NRG2: variants seen among roughly 807,000 people sequenced by gnomAD.
NRG2 encodes the protein pro-neuregulin-2, membrane-bound isoform.
A neutral mutation model predicts 73.9 loss-of-function variants in NRG2; 27 were observed. The observed-to-expected ratio is 0.37, with a 90% CI of 0.27 to 0.50. NRG2 has a LOEUF of 0.50. Among genes scored for constraint, NRG2 ranks in the 20% least tolerant of loss-of-function variants. The pLI is 0.96. For synonymous variants in NRG2, 532 were observed against 541.0 expected, an observed-to-expected ratio of 0.98 and a Z score of 0.23; for missense variants, 1,126 against 1,210.1, an observed-to-expected ratio of 0.93 and a Z score of 1.03.
At chr5:139,968,218 C>A (rs1755694226) in intron 1 of NRG2, among the ~76,000 whole-genome samples, 2 of 152,100 alleles carry the variant, frequency 1.3e-5, no homozygotes, top group Admixed American at 6.5e-5. Context: ...CATGCCTGCC[C>A]GCCCGGCTGA....
chr5:139,901,381 G>T (rs892779310), intron 1 of NRG2, among the ~76,000 whole-genome samples: 1 of 152,212 alleles, frequency 6.6e-6, no homozygotes, highest in African/African-American at 2.4e-5. Flanking sequence ...CAGAGTGGCA[G>T]GAGGACAGCT....
At chr5:139,876,852 C>T (rs112018614) in intron 3 of NRG2, among the ~76,000 whole-genome samples, 14 of 151,942 alleles carry the variant, frequency 9.2e-5, no homozygotes, top group African/African-American at 2.4e-4. Context: ...GCCAAGACTG[C>T]GACTTCCCAG....
intron 1 of NRG2, among the ~76,000 whole-genome samples, chr5:140,028,799 T>G (rs75821987): frequency 0.079 from 11,963 of 152,198 alleles, 527 homozygotes; most frequent in South Asian, 0.1. Context: ...AGTAACTCTC[T>G]TCTAACAAGC....
chr5:139,934,879 T>A (rs1313883819), intron 1 of NRG2, among the ~76,000 whole-genome samples: 1 of 152,154 alleles, frequency 6.6e-6, no homozygotes, highest in African/African-American at 2.4e-5. Context: ...GAAATAACAA[T>A]CCTGGCCGGG....
intron 1 of NRG2, among the ~76,000 whole-genome samples, chr5:139,948,778 C>G (rs1038324267): frequency 6.6e-6 from 1 of 152,132 alleles, no homozygotes; most frequent in Non-Finnish European, 1.5e-5. Flanking sequence ...CAGGTTGTTG[C>G]AGGAGTTCTG....
Position 140,042,714 on chromosome 5 carries a change from G to A in NRG2, c.356C>T (p.Ser119Leu). Reference protein sequence around the residue: ...SLACYSPSLKSVQDQAYKAPV... With the variant: ...SLACYSPSLKLVQDQAYKAPV... ...TGCCTTGTACGCCTGGTCCTGCACTGACTTGAGGCTGGGCGAGTAGCAGGC... is the reference window on the plus strand; with the variant it reads ...TGCCTTGTACGCCTGGTCCTGCACTAACTTGAGGCTGGGCGAGTAGCAGGC... Residue 119 changes from serine (S) to leucine (L), a missense_variant, in exon 1 of 10, where the codon TCA becomes TTA. By Grantham distance (145) the Ser-to-Leu change is moderately radical (BLOSUM62 -2). Around this residue, in one of 3 missense-constraint regions of NRG2, gnomAD observed 539 missense variants for 703.2 expected, o/e 0.77. Transcript: ENST00000361474. 1 of 1,574,152 alleles carries A rather than the reference G, an allele frequency of 6.4e-7. No individual in the cohort carries two copies. Among genetic ancestry groups the A allele is most frequent in the Non-Finnish European group, 8.6e-7 (1 of 1,160,286 alleles).
intron 1 of NRG2, among the ~76,000 whole-genome samples, chr5:139,956,277 A>T (rs1263763678): frequency 6.6e-6 from 1 of 152,086 alleles, no homozygotes; most frequent in Non-Finnish European, 1.5e-5. Flanking sequence ...TAGTCAGGTC[A>T]GGAGGCTCCG....
chr5:139,985,176 C>T (rs1757078121), intron 1 of NRG2, among the ~76,000 whole-genome samples: 2 of 151,864 alleles, frequency 1.3e-5, no homozygotes, highest in Non-Finnish European at 2.9e-5. Flanking sequence ...CCCGTCTCTA[C>T]TATAAATATA....
In NRG2 at chr5:139,868,117, T is replaced by C. The variant is rs573120401; in HGVS notation, c.1113-2492A>G. On this transcript the variant is annotated intron_variant, in intron 4 of 9. Coordinates refer to ENST00000361474, the MANE Select transcript of NRG2 (RefSeq NM_004883.3). This position sits in a 1 kb window ranked among gnomAD's most constrained non-coding sequence, Gnocchi z 4.2. ...GCTGGCTGAACAAAACAAAAGGCAC[T>C]GGGGAGGGGCACAGTGGGGGTGGTG... Among the ~76,000 whole-genome samples the C allele has an allele frequency of 2.3e-4, 35 of 152,222 alleles. No homozygotes were observed. The highest frequency in any genetic ancestry group is 6.7e-4 in the African/African-American group (28 of 41,538).
At chr5:139,908,487 T>A (rs1765385503) in intron 1 of NRG2, among the ~76,000 whole-genome samples, 1 of 152,304 alleles carries the variant, frequency 6.6e-6, no homozygotes, top group Admixed American at 6.5e-5. Context: ...TAGTATTAAC[T>A]CACTTAATTC....
At chr5:139,912,055 A>G (rs1221601205) in intron 1 of NRG2, among the ~76,000 whole-genome samples, 1 of 152,106 alleles carries the variant, frequency 6.6e-6, no homozygotes, top group Admixed American at 6.5e-5. Context: ...ATCCTAGCCT[A>G]GCAGAGGTAA....
intron 1 of NRG2, among the ~76,000 whole-genome samples, chr5:140,041,118 G>A (rs1761882041): frequency 6.6e-6 from 1 of 152,138 alleles, no homozygotes; most frequent in Admixed American, 6.5e-5. Context: ...ACTATAAGCT[G>A]TTACACATAT....
rs145183703 is a variant in NRG2 at position 139,892,226 on chromosome 5, G to A, written c.701-4715C>T. 3.7e-4 allele frequency among the ~76,000 whole-genome samples: 57 copies of A among 152,292 alleles called. No individual in the cohort carries two copies. In the East Asian group the frequency reaches 4.8e-3, roughly 13 times the overall value. Reference sequence around the variant, plus strand: ...CCTCGGAACAATGTCCTCCACATCCGCACTCCTGGGCCTAGAGCCCTGCCA... The same window carrying A: ...CCTCGGAACAATGTCCTCCACATCCACACTCCTGGGCCTAGAGCCCTGCCA... On this transcript the variant is annotated intron_variant, in intron 1 of 9. Transcript: ENST00000361474.
intron 5 of NRG2, among the ~76,000 whole-genome samples, chr5:139,862,817 T>A (rs1446004868): frequency 1.3e-5 from 2 of 152,260 alleles, no homozygotes; most frequent in East Asian, 3.8e-4. Flanking sequence ...CTCTTTTACA[T>A]GGGGACATAA....
intron 1 of NRG2, among the ~76,000 whole-genome samples, chr5:139,918,450 C>A (rs2127213536): frequency 6.6e-6 from 1 of 152,240 alleles, no homozygotes; most frequent in South Asian, 2.1e-4. Context: ...TTTGTGTACC[C>A]TTTTACAGCT....
chr5:139,909,119 G>A lies in NRG2; in HGVS notation c.701-21608C>T, dbSNP rs139284392. ...ACCCACCCTATTTTCACAATGGGAC[G>A]CTAATAGTAACATAACAAGTTAATT... is the stretch of plus-strand genomic sequence containing the variant. On this transcript the variant is annotated intron_variant, in intron 1 of 9. Coordinates refer to ENST00000361474, the MANE Select transcript of NRG2 (RefSeq NM_004883.3). Among the ~76,000 whole-genome samples, 167 of 152,308 alleles carry A rather than the reference G, an allele frequency of 1.1e-3. 2 individuals are homozygous for A. In the East Asian group the frequency reaches 0.028, roughly 25 times the overall value.
intron 1 of NRG2, among the ~76,000 whole-genome samples, chr5:139,924,780 T>A (rs1580744407): frequency 1.3e-5 from 2 of 152,222 alleles, no homozygotes; most frequent in South Asian, 4.1e-4. Flanking sequence ...ACAGGCTCCC[T>A]CAGCCGCCTC....
intron 5 of NRG2, among the ~76,000 whole-genome samples, chr5:139,860,397 G>A (rs1275402468): frequency 6.6e-6 from 1 of 151,496 alleles, no homozygotes. Flanking sequence ...TCAGAGTGCA[G>A]GCATGAGGTC....
At chr5:139,994,723 A>G (rs1465323231) in intron 1 of NRG2, among the ~76,000 whole-genome samples, 2 of 152,206 alleles carry the variant, frequency 1.3e-5, no homozygotes, top group Non-Finnish European at 2.9e-5. Flanking sequence ...TGAGCTCAAG[A>G]GAAATCACTG....
Sources: allele counts gnomAD v4.1 joint callset (sites outside exome capture counted in the v4.1 genomes callset), GRCh38; gene constraint gnomAD v4.1.1; regional missense constraint gnomAD v4.1.1; non-coding constraint Gnocchi (gnomAD v3.1); transcripts MANE v1.5; gene names NCBI Gene and HGNC (gene_info 2026-07-23, HGNC 2026-07-21).